Variants in RIPK1 observed in about 807,000 individuals in gnomAD.
RIPK1 encodes the protein receptor-interacting serine/threonine-protein kinase 1.
In RIPK1, 27 loss-of-function variants were observed where a neutral mutation model predicts 62.4. The observed-to-expected ratio is 0.43, with a 90% CI of 0.32 to 0.60. RIPK1 has a LOEUF of 0.60. RIPK1 is among the 20% of genes least tolerant of loss of function. The probability of loss-of-function intolerance (pLI) is 0.07; values close to 1 mark genes in which losing one functional copy is unlikely to be tolerated. For synonymous variants in RIPK1, 287 were observed against 303.2 expected (o/e 0.95, Z 0.55); for missense variants, 735 against 831.0 (o/e 0.88, Z 1.42).
chr6:3,090,604 C>A (rs529849857), intron 7 of RIPK1, among the ~76,000 whole-genome samples: 3 of 152,202 alleles, frequency 2.0e-5, no homozygotes, highest in African/African-American at 7.2e-5. Context: ...GAAAAACAGA[C>A]AAATCCACAA....
At chr6:3,112,153 A>G (rs1561780148) in intron 10 of RIPK1, among the ~76,000 whole-genome samples, 1 of 151,182 alleles carries the variant, frequency 6.6e-6, no homozygotes, top group Non-Finnish European at 1.5e-5. Flanking sequence ...GGGTGGAGTA[A>G]AGGAGGGGTT....
chr6:3,081,024 A>G lies in RIPK1; in HGVS notation c.367A>G (p.Ile123Val), dbSNP rs1315258657. Residue 123 changes from isoleucine to valine, a missense_variant, in exon 4 of 11, where the codon ATT becomes GTT. By Grantham distance (29) the Ile-to-Val change is conservative (BLOSUM62 3). Coordinates refer to ENST00000259808, the MANE Select transcript of RIPK1 (RefSeq NM_001354930.2). Reference protein sequence around the residue: ...SVKGRIILEIIEGMCYLHGKG... With the variant: ...SVKGRIILEIVEGMCYLHGKG... ...AAAAGGAAGGATAATTTTGGAAATC[A>G]TTGAAGGAATGTGCTACTTACATGG... The G allele has an allele frequency of 6.2e-7, 1 of 1,614,116 alleles. No individual in the cohort carries two copies. Among genetic ancestry groups the G allele is most frequent in the Non-Finnish European group, 8.5e-7 (1 of 1,179,956 alleles).
At chr6:3,066,380 G>A (rs1758381240), upstream of RIPK1, among the ~76,000 whole-genome samples, 1 of 152,040 alleles carries the variant, frequency 6.6e-6, no homozygotes, top group African/African-American at 2.4e-5. Context: ...GCCTAGAACA[G>A]GTGCTCAGTA....
At position 3,090,856 on chromosome 6, in the gene RIPK1, T is replaced by TACCTGCCGCACCTAGTAACCGCAGAGC. The variant is rs1561763204; in HGVS notation, c.915+1203_915+1204insGCCGCACCTAGTAACCGCAGAGCACCT. On this transcript the variant is annotated intron_variant, in intron 7 of 10. Transcript: ENST00000259808. Reference sequence around the variant, plus strand: ...CCTGCCGCACCTAGTAACCGCAGAGTACCTACCTGCCGCACCTAGTAACCG... The same window carrying TACCTGCCGCACCTAGTAACCGCAGAGC: ...CCTGCCGCACCTAGTAACCGCAGAGTACCTGCCGCACCTAGTAACCGCAGAGCACCTACCTGCCGCACCTAGTAACCG... Among the ~76,000 whole-genome samples, 183 of 43,502 alleles carry TACCTGCCGCACCTAGTAACCGCAGAGC rather than the reference T, an allele frequency of 4.2e-3. 11 individuals are homozygous for TACCTGCCGCACCTAGTAACCGCAGAGC. The highest frequency in any genetic ancestry group is 0.014 in the Middle Eastern group (1 of 74). 28.5% of individuals were successfully genotyped at this position (43,502 alleles called of 152,430 possible).
At chr6:3,107,712 C>T (rs1760934740) in intron 9 of RIPK1, among the ~76,000 whole-genome samples, 2 of 152,092 alleles carry the variant, frequency 1.3e-5, no homozygotes, top group Admixed American at 1.3e-4. Flanking sequence ...AGACCCTAAA[C>T]CAATATTTAA....
At chr6:3,071,496 C>T (rs951649657) in intron 1 of RIPK1, among the ~76,000 whole-genome samples, 1 of 152,164 alleles carries the variant, frequency 6.6e-6, no homozygotes, top group Non-Finnish European at 1.5e-5. Context: ...CTTTGTCACT[C>T]TGTGTCATGG....
intron 7 of RIPK1, among the ~76,000 whole-genome samples, chr6:3,101,186 C>T (rs1226117409): frequency 6.6e-6 from 1 of 152,102 alleles, no homozygotes; most frequent in Non-Finnish European, 1.5e-5. Context: ...GCTGAGGTGG[C>T]AGGCTCTCTT....
Position 3,080,976 on chromosome 6 carries a change from T to TA in RIPK1, c.322-2dup. 1 of 1,613,264 alleles carries TA rather than the reference T, an allele frequency of 6.2e-7. No homozygotes were observed. The highest frequency in any genetic ancestry group is 8.5e-7 in the Non-Finnish European group (1 of 1,179,520). On this transcript the variant is annotated splice_polypyrimidine_tract_variant and splice_region_variant and intron_variant, in intron 3 of 10. Transcript: ENST00000259808. Reference sequence around the variant, plus strand: ...TTCATAGACTTAATATCACTTGTTTTAGATGAGTACTCCGCTTTCTGTAAA... The same window carrying TA: ...TTCATAGACTTAATATCACTTGTTTTAAGATGAGTACTCCGCTTTCTGTAAA...
intron 3 of RIPK1, among the ~76,000 whole-genome samples, chr6:3,080,051 C>G (rs1054321674): frequency 2.6e-5 from 4 of 152,146 alleles, no homozygotes; most frequent in African/African-American, 9.7e-5. Context: ...TTCCTAAGTC[C>G]AAAGGTATAC....
At chr6:3,070,280 A>G (rs1262012963) in intron 1 of RIPK1, among the ~76,000 whole-genome samples, 1 of 152,222 alleles carries the variant, frequency 6.6e-6, no homozygotes, top group Non-Finnish European at 1.5e-5. Context: ...TTTGGTGCTT[A>G]TTAATCTATA....
chr6:3,084,775 G>T lies in RIPK1; in HGVS notation c.689-484G>T, dbSNP rs139558246. On this transcript the variant is annotated intron_variant, in intron 5 of 10. Coordinates refer to ENST00000259808, the MANE Select transcript of RIPK1 (RefSeq NM_001354930.2). ...TGCCCAGCTAATTTTTATATTTTTAGTAGAGACGGGGTTTCACCATGTTGG... is the reference window on the plus strand; with the variant it reads ...TGCCCAGCTAATTTTTATATTTTTATTAGAGACGGGGTTTCACCATGTTGG... Among the ~76,000 whole-genome samples the T allele has an allele frequency of 2.6e-3, 397 of 152,076 alleles. 1 individual carries two copies. Among genetic ancestry groups the T allele is most frequent in the African/African-American group, 9.2e-3 (381 of 41,486 alleles).
chr6:3,088,383 C>T (rs17513146), intron 6 of RIPK1, among the ~76,000 whole-genome samples: 18,300 of 152,190 alleles, frequency 0.12, 2,806 homozygotes, highest in African/African-American at 0.36. Context: ...TTAAAAGTCC[C>T]GATTCTCCAC....
intron 2 of RIPK1, 83 bp downstream of exon 2, chr6:3,077,070 A>T: frequency 1.5e-6 from 2 of 1,360,560 alleles, no homozygotes; most frequent in Non-Finnish European, 2.0e-6. Flanking sequence ...GCTGCTGCGG[A>T]GCCGTTGGTG....
At chr6:3,075,189 G>T (rs1209387658) in intron 1 of RIPK1, among the ~76,000 whole-genome samples, 1 of 152,220 alleles carries the variant, frequency 6.6e-6, no homozygotes, top group East Asian at 1.9e-4. Context: ...TGTTTGAGAG[G>T]TCTGGTTGCT....
intron 3 of RIPK1, 112 bp downstream of exon 3, chr6:3,078,047 C>A: frequency 9.5e-7 from 1 of 1,056,540 alleles, no homozygotes; most frequent in Non-Finnish European, 1.4e-6. Context: ...TTGCAAATTG[C>A]TTGGTAGTTT....
chr6:3,113,375 C>A lies in RIPK1; in HGVS notation c.*36C>A. The A allele has an allele frequency of 6.3e-7, 1 of 1,586,878 alleles. No homozygotes were observed. The highest frequency in any genetic ancestry group is 8.6e-7 in the Non-Finnish European group (1 of 1,164,124). ...GCTACGGCAGCTGAAGTGGACGCCT[C>A]ACTTAGTGGATAACCCCAGAAAGTT... On this transcript the variant is annotated 3_prime_UTR_variant, in exon 11 of 11. Coordinates refer to ENST00000259808, the MANE Select transcript of RIPK1 (RefSeq NM_001354930.2). The surrounding 1 kb of genome is among the most constrained non-coding windows in gnomAD (Gnocchi z 5.0).
Position 3,068,510 on chromosome 6 carries a change from C to G in RIPK1, c.-212C>G. 1 of 985,258 alleles carries G rather than the reference C, an allele frequency of 1.0e-6. No homozygotes were observed. The highest frequency in any genetic ancestry group is 1.2e-6 in the Non-Finnish European group (1 of 829,832). 61.0% of individuals were successfully genotyped at this position (985,258 alleles called of 1,614,324 possible). A position where few individuals can be genotyped will look rare whatever the true frequency, so the allele number is the denominator to read the frequency against. ...AGCGCGAACAGTCCACGCCCTCCAG[C>G]CGGGCGCGCTCGACGCGGACGGCGG... On this transcript the variant is annotated 5_prime_UTR_variant, in exon 1 of 11. Transcript: ENST00000259808.
chr6:3,072,784 G>A lies in RIPK1; in HGVS notation c.-60-3980G>A, dbSNP rs373446977. On this transcript the variant is annotated intron_variant, in intron 1 of 10. Coordinates refer to ENST00000259808, the MANE Select transcript of RIPK1 (RefSeq NM_001354930.2). The surrounding 1 kb of genome is among the most constrained non-coding windows in gnomAD (Gnocchi z 5.6). ...CCAGGCAAGAAGTTGGAAGAATATG[G>A]CCTAAGAGGGTGGGGCGGATGACCC... 6.6e-6 allele frequency among the ~76,000 whole-genome samples: 1 copy of A among 152,174 alleles called. No homozygotes were observed. Among genetic ancestry groups the A allele is most frequent in the Non-Finnish European group, 1.5e-5 (1 of 68,030 alleles).
chr6:3,099,343 G>T (rs774267390), intron 7 of RIPK1, among the ~76,000 whole-genome samples: 20 of 152,216 alleles, frequency 1.3e-4, no homozygotes, highest in Non-Finnish European at 2.8e-4. Context: ...AGGAGATCGA[G>T]ACCATCCTGG....
Sources: allele counts gnomAD v4.1 joint callset (sites outside exome capture counted in the v4.1 genomes callset), GRCh38; gene constraint gnomAD v4.1.1; non-coding constraint Gnocchi (gnomAD v3.1); transcripts MANE v1.5; gene names NCBI Gene and HGNC (gene_info 2026-07-23, HGNC 2026-07-21).